IQCM: variants seen among roughly 807,000 people sequenced by gnomAD.
IQCM encodes the protein IQ domain-containing protein M.
Under a neutral mutation model 57.6 loss-of-function variants are expected in IQCM, and 45 were observed. The ratio of observed to expected loss-of-function variants is 0.78; its 90% CI spans 0.62 to 1.00. The LOEUF (loss-of-function observed/expected upper bound fraction) is 1.00. Ranked by LOEUF, IQCM falls within the 50% of genes least tolerant of loss-of-function variation. The pLI, the probability that IQCM is intolerant of heterozygous loss-of-function variation, is 0.00. For missense variants in IQCM, 468 were observed against 511.6 expected, an observed-to-expected ratio of 0.91 and a Z score of 0.82; for synonymous variants, 148 against 158.9, an observed-to-expected ratio of 0.93 and a Z score of 0.51.
At chr4:149,555,841 G>C (rs765863496) in intron 10 of IQCM, among the ~76,000 whole-genome samples, 1 of 152,284 alleles carries the variant, frequency 6.6e-6, no homozygotes, top group Admixed American at 6.5e-5. Context: ...TTCAATTTGA[G>C]TACCTTTTCC....
At chr4:149,584,204 T>C (rs1199245083) in intron 9 of IQCM, among the ~76,000 whole-genome samples, 2 of 151,586 alleles carry the variant, frequency 1.3e-5, no homozygotes, top group South Asian at 2.1e-4. Context: ...ATGTTTAACA[T>C]AAACTTCTTT....
chr4:149,572,703 T>C (rs1309788760), intron 9 of IQCM, among the ~76,000 whole-genome samples: 1 of 152,046 alleles, frequency 6.6e-6, no homozygotes, highest in Non-Finnish European at 1.5e-5. Flanking sequence ...ACATTTTTTG[T>C]TGTGATTAGT....
At chr4:149,742,186 T>C (rs948416154) in intron 3 of IQCM, among the ~76,000 whole-genome samples, 2 of 152,152 alleles carry the variant, frequency 1.3e-5, no homozygotes, top group Admixed American at 6.6e-5. Context: ...CGAAACTCTA[T>C]ATGTATTTTG....
Position 149,733,452 on chromosome 4 carries a change from T to C in IQCM, c.177A>G (p.Lys59=). 2 of 1,231,694 alleles carry C rather than the reference T, an allele frequency of 1.6e-6. No individual in the cohort carries two copies. The highest frequency in any genetic ancestry group is 2.0e-6 in the Non-Finnish European group (2 of 987,630). The allele number at this position is 1,231,694 out of a possible 1,614,324, so 76.3% of individuals were successfully genotyped here. The change falls in exon 5 of 14, where the codon AAA becomes AAG. Residue 59 remains lysine, a synonymous_variant. Transcript: ENST00000636793. ...NVFRKKHQKP[K]SGKYIPLEID... ...TCTCCAAAGGTATGTATTTGCCAGA[T>C]TTCGGTTTTTGGTGTTTCTTTCTAA... is the stretch of plus-strand genomic sequence containing the variant.
intron 8 of IQCM, among the ~76,000 whole-genome samples, chr4:149,596,174 A>G (rs1354459048): frequency 6.6e-6 from 1 of 152,192 alleles, no homozygotes; most frequent in Non-Finnish European, 1.5e-5. Flanking sequence ...TTGCATCCCA[A>G]TATAAGCCCC....
At chr4:149,623,432 A>C (rs1254643006) in intron 7 of IQCM, among the ~76,000 whole-genome samples, 1 of 152,236 alleles carries the variant, frequency 6.6e-6, no homozygotes, top group Non-Finnish European at 1.5e-5. Flanking sequence ...TCATACTAGA[A>C]AATATAGCTA....
intron 8 of IQCM, among the ~76,000 whole-genome samples, chr4:149,614,955 A>G (rs1476745567): frequency 6.6e-6 from 1 of 152,152 alleles, no homozygotes; most frequent in Admixed American, 6.5e-5. Flanking sequence ...GTCCTGTCAT[A>G]CTGACAGCTA....
Position 149,553,146 on chromosome 4 carries a change from T to C in IQCM, c.1090A>G (p.Lys364Glu), listed in dbSNP as rs1338209887. The C allele has an allele frequency of 1.6e-6, 2 of 1,231,894 alleles. No homozygotes were observed. Among genetic ancestry groups the C allele is most frequent in the African/African-American group, 3.1e-5 (2 of 64,420 alleles). The allele number at this position is 1,231,894 out of a possible 1,614,324, so 76.3% of individuals were successfully genotyped here. ...AELEEWMDRK[K>E]FYEIMFAKRE... ...CAGAAGTGTCTGCATCACTTACATT[T>C]TTTTCGGTCCATCCACTCCTCTAGC... Residue 364 changes from lysine to glutamate, a missense_variant, in exon 11 of 14, where the codon AAA becomes GAA. By Grantham distance (56) the Lys-to-Glu change is moderately conservative. Coordinates refer to ENST00000636793, the MANE Select transcript of IQCM (RefSeq NM_001363507.2).
intron 13 of IQCM, among the ~76,000 whole-genome samples, chr4:149,400,074 C>T (rs894641983): frequency 6.6e-6 from 1 of 151,960 alleles, no homozygotes; most frequent in Non-Finnish European, 1.5e-5. Context: ...TGTTTTTTAA[C>T]TTTAGAAGCT....
intron 12 of IQCM, among the ~76,000 whole-genome samples, chr4:149,463,449 T>C (rs544725007): frequency 1.3e-5 from 2 of 152,348 alleles, no homozygotes; most frequent in South Asian, 2.1e-4. Flanking sequence ...TGTGTTTCTC[T>C]CTCCTGCAAC....
intron 2 of IQCM, among the ~76,000 whole-genome samples, chr4:149,810,376 A>AAAAG (rs1489932698): frequency 6.6e-6 from 1 of 151,972 alleles, no homozygotes; most frequent in Non-Finnish European, 1.5e-5. Flanking sequence ...AAAAAAAAAA[A>AAAAG]AAAAGAAAAG....
At chr4:149,656,495 C>T (rs1579873688) in intron 7 of IQCM, among the ~76,000 whole-genome samples, 2 of 152,222 alleles carry the variant, frequency 1.3e-5, no homozygotes, top group South Asian at 4.1e-4. Flanking sequence ...TCATCTACCT[C>T]CCACTGTACC....
chr4:149,401,494 T>A (rs1018075268), intron 13 of IQCM, among the ~76,000 whole-genome samples: 5 of 151,796 alleles, frequency 3.3e-5, no homozygotes, highest in African/African-American at 1.2e-4. Flanking sequence ...AAGGACCATA[T>A]ATGTTTGATC....
intron 7 of IQCM, among the ~76,000 whole-genome samples, chr4:149,664,297 A>T (rs182882978): frequency 1.3e-5 from 2 of 152,118 alleles, no homozygotes; most frequent in Non-Finnish European, 2.9e-5. Flanking sequence ...TTTCATAAGT[A>T]TCCTTTTCTT....
chr4:149,807,562 C>A (rs1189693580), intron 2 of IQCM, among the ~76,000 whole-genome samples: 1 of 151,830 alleles, frequency 6.6e-6, no homozygotes, highest in Non-Finnish European at 1.5e-5. Flanking sequence ...CACAGGCAAT[C>A]ACAGCAAAAA....
intron 13 of IQCM, among the ~76,000 whole-genome samples, chr4:149,418,247 A>C (rs1047217793): frequency 2.6e-5 from 4 of 152,062 alleles, no homozygotes; most frequent in African/African-American, 4.8e-5. Flanking sequence ...CACAATAAAA[A>C]AAGATAAAGG....
chr4:149,732,526 C>T (rs571272716), intron 5 of IQCM, among the ~76,000 whole-genome samples: 19 of 152,300 alleles, frequency 1.2e-4, no homozygotes, highest in Non-Finnish European at 2.1e-4. Context: ...CCATTACTCT[C>T]TGAGCCTTTT....
At chr4:149,456,442 T>C (rs1038732373) in intron 12 of IQCM, among the ~76,000 whole-genome samples, 2 of 152,114 alleles carry the variant, frequency 1.3e-5, no homozygotes, top group Admixed American at 6.6e-5. Flanking sequence ...AGTCTAAACA[T>C]GAAATTCATT....
chr4:149,697,850 T>A (rs1763453947), intron 5 of IQCM, among the ~76,000 whole-genome samples: 1 of 152,176 alleles, frequency 6.6e-6, no homozygotes, highest in South Asian at 2.1e-4. Flanking sequence ...TAATAGATGT[T>A]CAATAAATAC....
Sources: allele counts gnomAD v4.1 joint callset (sites outside exome capture counted in the v4.1 genomes callset), GRCh38; gene constraint gnomAD v4.1.1; transcripts MANE v1.5; gene names NCBI Gene and HGNC (gene_info 2026-07-23, HGNC 2026-07-21).